Variants in ABCA13 observed in about 807,000 individuals in gnomAD.
ABCA13 encodes ATP-binding cassette sub-family A member 13.
Under a neutral mutation model 478.7 loss-of-function variants are expected in ABCA13, and 476 were observed. The observed-to-expected ratio is 0.99, with a 90% CI of 0.92 to 1.07. ABCA13 has a LOEUF of 1.07. Among genes scored for constraint, ABCA13 ranks in the 50% least tolerant of loss-of-function variants. ABCA13 has a pLI of 0.00. For missense variants in ABCA13, 6,060 were observed against 5,910.6 expected (o/e 1.03, Z -0.83); for synonymous variants, 2,252 against 2,158.9 (o/e 1.04, Z -1.20).
intron 47 of ABCA13, among the ~76,000 whole-genome samples, chr7:48,484,596 G>A (rs533312574): frequency 9.2e-5 from 14 of 152,236 alleles, no homozygotes; most frequent in South Asian, 6.2e-4. Flanking sequence ...TCTGAGGCAC[G>A]GACCTCTTGT....
At chr7:48,624,340 C>A (rs1033105698) in intron 59 of ABCA13, among the ~76,000 whole-genome samples, 1 of 152,062 alleles carries the variant, frequency 6.6e-6, no homozygotes, top group Non-Finnish European at 1.5e-5. Context: ...CAGCTGCATG[C>A]GGCATCTATT....
chr7:48,240,180 A>G (rs1258523415), intron 9 of ABCA13, among the ~76,000 whole-genome samples: 2 of 152,250 alleles, frequency 1.3e-5, no homozygotes, highest in Admixed American at 6.5e-5. Flanking sequence ...CCTTAAAAAT[A>G]TATAGGTGTT....
At chr7:48,332,844 G>T (rs986849382) in intron 27 of ABCA13, among the ~76,000 whole-genome samples, 13 of 152,182 alleles carry the variant, frequency 8.5e-5, no homozygotes, top group African/African-American at 3.1e-4. Flanking sequence ...AACATGTTAT[G>T]GTTCTCTGGC....
intron 31 of ABCA13, 53 bp from the exon 32 acceptor site, chr7:48,367,741 T>C (rs1455046800): frequency 2.2e-6 from 3 of 1,368,548 alleles, no homozygotes; most frequent in African/African-American, 2.9e-5. Context: ...TGTAAAAAAT[T>C]AGTAGAGTCA....
At chr7:48,428,540 C>A (rs1821736449) in intron 42 of ABCA13, among the ~76,000 whole-genome samples, 1 of 152,150 alleles carries the variant, frequency 6.6e-6, no homozygotes, top group Non-Finnish European at 1.5e-5. Context: ...CTACTAGGCA[C>A]ATGAACCCAT....
chr7:48,216,593 A>G (rs908655946), intron 3 of ABCA13, among the ~76,000 whole-genome samples: 7 of 151,868 alleles, frequency 4.6e-5, no homozygotes. Context: ...TTTAATTTTC[A>G]TGAAGTCCAA....
intron 41 of ABCA13, among the ~76,000 whole-genome samples, chr7:48,419,933 A>T (rs1393972239): frequency 6.6e-6 from 1 of 152,210 alleles, no homozygotes; most frequent in Non-Finnish European, 1.5e-5. Flanking sequence ...TGAGAAAGGT[A>T]TCTTAAATTG....
At chr7:48,368,687 GTATATATATATA>G (rs201820250) in intron 32 of ABCA13, among the ~76,000 whole-genome samples, 15 of 122,740 alleles carry the variant, frequency 1.2e-4, no homozygotes, top group Admixed American at 5.0e-4. Context: ...GTGTGTATGT[GTATATATATATA>G]TATATATATA....
intron 1 of ABCA13, among the ~76,000 whole-genome samples, chr7:48,187,822 G>A (rs1796566748): frequency 6.6e-6 from 1 of 151,720 alleles, no homozygotes; most frequent in Admixed American, 6.6e-5. Flanking sequence ...CTTCTTAATG[G>A]GGCACTTGTA....
chr7:48,570,687 A>G (rs889090268), intron 55 of ABCA13, among the ~76,000 whole-genome samples: 2 of 152,088 alleles, frequency 1.3e-5, no homozygotes, highest in African/African-American at 4.8e-5. Flanking sequence ...TAGACAGCAT[A>G]CAGTTGGATA....
At chr7:48,220,962 T>A (rs1787277463) in intron 4 of ABCA13, among the ~76,000 whole-genome samples, 1 of 152,146 alleles carries the variant, frequency 6.6e-6, no homozygotes, top group African/African-American at 2.4e-5. Context: ...ATTTATTCCC[T>A]CTCTCCTATC....
At chr7:48,205,836 T>C (rs1349095600) in intron 3 of ABCA13, among the ~76,000 whole-genome samples, 1 of 152,258 alleles carries the variant, frequency 6.6e-6, no homozygotes, top group Admixed American at 6.5e-5. Context: ...ATGTTACTTA[T>C]CATTGCTTGT....
intron 21 of ABCA13, among the ~76,000 whole-genome samples, chr7:48,296,169 C>T (rs889103682): frequency 4.6e-5 from 7 of 152,088 alleles, no homozygotes; most frequent in South Asian, 2.1e-4. Flanking sequence ...GTGGGAGAAT[C>T]GCTTGAGGCT....
chr7:48,173,504 A>T (rs549779110), intron 1 of ABCA13, among the ~76,000 whole-genome samples: 5 of 152,270 alleles, frequency 3.3e-5, no homozygotes, highest in Non-Finnish European at 7.3e-5. Flanking sequence ...CCTGGCCCAC[A>T]AAGAGCTATA....
intron 42 of ABCA13, among the ~76,000 whole-genome samples, chr7:48,438,157 A>T (rs1823096919): frequency 6.6e-6 from 1 of 152,088 alleles, no homozygotes; most frequent in Non-Finnish European, 1.5e-5. Context: ...ACCAGGCAAG[A>T]ATTTTGAAAA....
intron 27 of ABCA13, among the ~76,000 whole-genome samples, chr7:48,332,189 T>A (rs1052136864): frequency 2.0e-5 from 3 of 152,222 alleles, no homozygotes; most frequent in Non-Finnish European, 4.4e-5. Flanking sequence ...CTATTGTGTC[T>A]TCTGTTTCTC....
intron 59 of ABCA13, among the ~76,000 whole-genome samples, chr7:48,632,805 G>A (rs925820845): frequency 1.3e-5 from 2 of 152,126 alleles, no homozygotes; most frequent in African/African-American, 2.4e-5. Context: ...GGAGCCAATG[G>A]GGTGGATAGG....
intron 5 of ABCA13, among the ~76,000 whole-genome samples, chr7:48,223,935 G>C (rs1335906041): frequency 1.3e-4 from 20 of 148,828 alleles, no homozygotes; most frequent in Non-Finnish European, 8.9e-5. Flanking sequence ...CTCCAGCCTG[G>C]GTGACAGAGC....
At chr7:48,332,248 C>T (rs1393496104) in intron 27 of ABCA13, among the ~76,000 whole-genome samples, 4 of 152,116 alleles carry the variant, frequency 2.6e-5, no homozygotes, top group Admixed American at 1.3e-4. Flanking sequence ...GCATCCTCAC[C>T]CTAAGACATG....
Sources: gnomAD v4.1 joint callset for allele counts (sites outside exome capture counted in the v4.1 genomes callset) on GRCh38, gnomAD v4.1.1 for gene constraint, MANE v1.5 for transcripts, NCBI Gene and HGNC (gene_info 2026-07-23, HGNC 2026-07-21) for gene names.